The following CFAP54 variants were observed in gnomAD, a reference collection of about 807,000 sequenced individuals.
CFAP54 encodes the protein cilia- and flagella-associated protein 54.
CFAP54 carries 290 observed loss-of-function variants against 370.4 expected under a neutral mutation model. The observed-to-expected ratio is 0.78, with a 90% CI of 0.71 to 0.86. CFAP54 has a LOEUF of 0.86. Among genes scored for constraint, CFAP54 ranks in the 40% least tolerant of loss-of-function variants. The pLI is 0.00. For synonymous variants in CFAP54, 1,206 were observed against 1,236.5 expected (o/e 0.98, Z 0.52); for missense variants, 3,399 against 3,528.7 (o/e 0.96, Z 0.93).
At chr12:96,873,500 C>T (rs1312467271) in intron 67 of CFAP54, among the ~76,000 whole-genome samples, 1 of 152,208 alleles carries the variant, frequency 6.6e-6, no homozygotes, top group African/African-American at 2.4e-5. Context: ...CAGCAGTTAT[C>T]TCAGCAGTCC....
rs118065407 is a variant in CFAP54 at position 96,863,080 on chromosome 12, T to C, written c.*14+2128T>C. On this transcript the variant is annotated intron_variant, in intron 67 of 67. Transcript: ENST00000524981. ...TTAGATACTTTCTGTTTTTCTTTACTTTAGTGAATGTAAGTGCTTGTACTA... is the reference window on the plus strand; with the variant it reads ...TTAGATACTTTCTGTTTTTCTTTACCTTAGTGAATGTAAGTGCTTGTACTA... 1.1e-4 allele frequency among the ~76,000 whole-genome samples: 17 copies of C among 152,308 alleles called. No homozygotes were observed. In the East Asian group the frequency reaches 3.3e-3, roughly 29 times the overall value.
At chr12:96,623,930 A>G in intron 28 of CFAP54, 49 bp downstream of exon 28, 1 of 1,177,226 alleles carries the variant, frequency 8.5e-7, no homozygotes, top group Non-Finnish European at 1.2e-6. Flanking sequence ...AGTTTTTTAA[A>G]ACGAGAAACT....
chr12:96,581,106 G>T lies in CFAP54; in HGVS notation c.3075+1G>T. On this transcript the variant is annotated splice_donor_variant, in intron 22 of 67. Coordinates refer to ENST00000524981, the MANE Select transcript of CFAP54 (RefSeq NM_001306084.2). LOFTEE classifies it high-confidence loss of function. ...TACTGCTCGGATGTTCCTGACACAGGTAGAAAAGATTTCTGCTAATTTTTT... is the reference window on the plus strand; with the variant it reads ...TACTGCTCGGATGTTCCTGACACAGTTAGAAAAGATTTCTGCTAATTTTTT... The T allele has an allele frequency of 7.0e-7, 1 of 1,437,924 alleles. No homozygotes were observed. Among genetic ancestry groups the T allele is most frequent in the Non-Finnish European group, 9.1e-7 (1 of 1,096,002 alleles). 89.1% of individuals were successfully genotyped at this position (1,437,924 alleles called of 1,614,324 possible). A position where few individuals can be genotyped will look rare whatever the true frequency, so the allele number is the denominator to read the frequency against.
intron 32 of CFAP54, among the ~76,000 whole-genome samples, chr12:96,631,334 G>C (rs815900): frequency 0.096 from 14,590 of 151,794 alleles, 853 homozygotes; most frequent in South Asian, 0.24. Context: ...GTGTTGGTAT[G>C]CATTTCTGTT....
chr12:96,838,312 A>AT (rs1226354164), intron 66 of CFAP54, among the ~76,000 whole-genome samples: 1 of 152,110 alleles, frequency 6.6e-6, no homozygotes. Flanking sequence ...AAAAAAAAAA[A>AT]GTCAACTCAG....
At chr12:96,646,668 C>T (rs910818645) in intron 33 of CFAP54, 1 of 152,208 alleles carries the variant, frequency 6.6e-6, no homozygotes, top group Non-Finnish European at 1.5e-5. Flanking sequence ...TTTATCACAG[C>T]ACTATTCACA....
chr12:96,784,930 C>CT, intron 61 of CFAP54, 40 bp downstream of exon 61: 2 of 1,323,308 alleles, frequency 1.5e-6, no homozygotes, highest in East Asian at 5.5e-5. Context: ...ATATTTCTTT[C>CT]TAATTCCCAT....
At chr12:96,637,454 A>G (rs560135672) in intron 32 of CFAP54, among the ~76,000 whole-genome samples, 2 of 152,228 alleles carry the variant, frequency 1.3e-5, no homozygotes, top group African/African-American at 2.4e-5. Context: ...CTAACTTTCA[A>G]AGTAGAATGC....
chr12:96,697,878 G>A (rs1035956860), intron 45 of CFAP54, among the ~76,000 whole-genome samples: 2 of 152,126 alleles, frequency 1.3e-5, no homozygotes, highest in Admixed American at 6.5e-5. Flanking sequence ...CTGGTCTTCA[G>A]GTTCTACTTG....
intron 63 of CFAP54, among the ~76,000 whole-genome samples, chr12:96,797,983 A>G (rs1958784262): frequency 6.6e-6 from 1 of 151,746 alleles, no homozygotes; most frequent in Non-Finnish European, 1.5e-5. Context: ...GAAATTATGC[A>G]TTCTTTTTGT....
intron 42 of CFAP54, among the ~76,000 whole-genome samples, chr12:96,687,388 A>G (rs1442437751): frequency 1.3e-5 from 2 of 152,246 alleles, no homozygotes; most frequent in African/African-American, 4.8e-5. Flanking sequence ...TGGCTTACGC[A>G]TAGCTAGCAC....
At chr12:96,656,561 A>G (rs147371309) in intron 36 of CFAP54, among the ~76,000 whole-genome samples, 676 of 152,308 alleles carry the variant, frequency 4.4e-3, no homozygotes, top group South Asian at 0.018. Flanking sequence ...TTGTATTTTT[A>G]GTAGAGACAG....
intron 9 of CFAP54, among the ~76,000 whole-genome samples, chr12:96,529,672 A>G (rs1447067571): frequency 6.6e-6 from 1 of 151,854 alleles, no homozygotes; most frequent in African/African-American, 2.4e-5. Flanking sequence ...GCCTATTTTA[A>G]CCTTTTGTCC....
chr12:96,740,776 T>G (rs1223419878), intron 51 of CFAP54, among the ~76,000 whole-genome samples: 1 of 152,174 alleles, frequency 6.6e-6, no homozygotes, highest in Non-Finnish European at 1.5e-5. Flanking sequence ...ATAATGATTG[T>G]CAATTGGGGG....
chr12:96,863,715 C>G (rs1959935427), intron 67 of CFAP54, among the ~76,000 whole-genome samples: 2 of 152,176 alleles, frequency 1.3e-5, no homozygotes, highest in Admixed American at 6.5e-5. Context: ...AGGGGGTCCC[C>G]CATGTTATCA....
chr12:96,786,552 A>G, intron 61 of CFAP54, 123 bp from the exon 62 acceptor site: 1 of 688,796 alleles, frequency 1.5e-6, no homozygotes, highest in Non-Finnish European at 2.4e-6. Context: ...GAGGGACGTC[A>G]TTGGCAGCCT....
chr12:96,713,848 C>T (rs1565951253), intron 48 of CFAP54, among the ~76,000 whole-genome samples: 1 of 151,936 alleles, frequency 6.6e-6, no homozygotes, highest in Non-Finnish European at 1.5e-5. Flanking sequence ...CTGAGATGGG[C>T]GTGTGCCTGG....
intron 67 of CFAP54, among the ~76,000 whole-genome samples, chr12:96,862,575 G>A (rs573556541): frequency 2.0e-5 from 3 of 152,238 alleles, no homozygotes; most frequent in Non-Finnish European, 4.4e-5. Context: ...AGATAAGAAT[G>A]CAAGATATAA....
chr12:96,838,210 G>A (rs1959192542), intron 66 of CFAP54, among the ~76,000 whole-genome samples: 1 of 152,078 alleles, frequency 6.6e-6, no homozygotes, highest in Non-Finnish European at 1.5e-5. Context: ...AGGCTCAGTA[G>A]GGTATAATTT....
Sources: allele counts gnomAD v4.1 joint callset (sites outside exome capture counted in the v4.1 genomes callset), GRCh38; gene constraint gnomAD v4.1.1; transcripts MANE v1.5; gene names NCBI Gene and HGNC (gene_info 2026-07-23, HGNC 2026-07-21).